NCOA6: variants seen among roughly 807,000 people sequenced by gnomAD.
NCOA6 encodes the protein nuclear receptor coactivator 6, also known as NRC RAP250.
NCOA6 carries 49 observed loss-of-function variants against 171.4 expected under a neutral mutation model. The observed-to-expected ratio is 0.29, with a 90% CI of 0.23 to 0.36. The LOEUF is 0.36. Among genes scored for constraint, NCOA6 ranks in the 10% least tolerant of loss-of-function variants. NCOA6 has a pLI of 1.00. For missense variants in NCOA6, 2,248 were observed against 2,554.5 expected, an observed-to-expected ratio of 0.88 and a Z score of 2.59; for synonymous variants, 910 against 927.5, an observed-to-expected ratio of 0.98 and a Z score of 0.34.
In NCOA6 at chr20:34,741,272, T is replaced by C. The variant is rs777390851; in HGVS notation, c.4984A>G (p.Asn1662Asp). The C allele has an allele frequency of 1.2e-6, 2 of 1,614,068 alleles. No homozygotes were observed. The highest frequency in any genetic ancestry group is 1.3e-5 in the African/African-American group (1 of 74,920). The change falls in exon 11 of 15, where the codon AAT becomes GAT. Residue 1662 changes from asparagine (N) to aspartate (D), a missense_variant. Physicochemically the swap from Asn to Asp is conservative, Grantham distance 23. This residue lies in a region of NCOA6 where 884 missense variants were observed against 941.9 expected (regional missense o/e 0.94). Transcript: ENST00000359003. ...RPQFITPVFI[N>D]SSSIIQVMKG... ...ATAACCTGAATTATTGAGGATGAAT[T>C]GATAAAGACAGGTGTAATGAACTGA...
chr20:34,740,048 A>C (rs547712982), intron 11 of NCOA6, among the ~76,000 whole-genome samples: 25 of 152,242 alleles, frequency 1.6e-4, no homozygotes, highest in Non-Finnish European at 3.1e-4. Context: ...TTTTTAGTAC[A>C]GATGCAGTTT....
intron 10 of NCOA6, among the ~76,000 whole-genome samples, chr20:34,746,292 T>A (rs936382301): frequency 4.1e-5 from 6 of 147,378 alleles, no homozygotes; most frequent in African/African-American, 1.5e-4. Flanking sequence ...CAGGCTGGAG[T>A]GCAGTGGCAT....
rs751347817 is a variant in NCOA6 at position 34,750,343 on chromosome 20, G to A, written c.1852C>T (p.Pro618Ser). The change falls in exon 9 of 15, where the codon CCA becomes TCA. Residue 618 changes from proline to serine, a missense_variant. Transcript: ENST00000359003. Reference sequence around the variant, plus strand: ...TGGTGCATGCCCATCAGCTGAGATGGTGGGCCCTGCTGGGGCTGGCCTTGC... The same window carrying A: ...TGGTGCATGCCCATCAGCTGAGATGATGGGCCCTGCTGGGGCTGGCCTTGC... ...NMQGQPQQGP[P>S]SQLMGMHQQI... 1.2e-6 allele frequency: 2 copies of A among 1,613,884 alleles called. No homozygotes were observed. Among genetic ancestry groups the A allele is most frequent in the Non-Finnish European group, 8.5e-7 (1 of 1,179,966 alleles).
At chr20:34,783,669 G>A (rs1249572688) in intron 2 of NCOA6, among the ~76,000 whole-genome samples, 1 of 151,868 alleles carries the variant, frequency 6.6e-6, no homozygotes, top group Non-Finnish European at 1.5e-5. Context: ...TTTTGCCCAG[G>A]CTGCACTGCG....
chr20:34,824,575 CCTT>C (rs1405036092), intron 1 of NCOA6, among the ~76,000 whole-genome samples: 1 of 152,184 alleles, frequency 6.6e-6, no homozygotes, highest in African/African-American at 2.4e-5. Context: ...CCAGGTCCCT[CCTT>C]TTAAAGACAC....
rs766905783 is a variant in NCOA6 at position 34,776,742 on chromosome 20, A to C, written c.236-294T>G. 13 of 514,810 alleles carry C rather than the reference A, an allele frequency of 2.5e-5. No individual in the cohort carries two copies. The Middle Eastern group carries it at 2.0e-3, about 81-fold the overall frequency. The allele number at this position is 514,810 out of a possible 1,614,324, so 31.9% of individuals were successfully genotyped here. On this transcript the variant is annotated intron_variant, in intron 3 of 14. Transcript: ENST00000359003. ...GGTACAAATTAGATAATATATGCAA[A>C]AAATCTAGCATAGTACCTGGCACAC...
rs192810516 is a variant in NCOA6 at position 34,792,174 on chromosome 20, T to C, written c.-50+276A>G. Among the ~76,000 whole-genome samples, 19 of 152,280 alleles carry C rather than the reference T, an allele frequency of 1.2e-4. No homozygotes were observed. In the East Asian group the frequency reaches 3.7e-3, roughly 29 times the overall value. ...TATCCTATTATCATTTTAATCAACA[T>C]AAATTCTAAAAATAAGTATTGTTTA... is the stretch of plus-strand genomic sequence containing the variant. On this transcript the variant is annotated intron_variant, in intron 2 of 14. Coordinates refer to ENST00000359003, the MANE Select transcript of NCOA6 (RefSeq NM_014071.5).
intron 11 of NCOA6, chr20:34,738,808 T>A (rs1334183714): frequency 2.2e-6 from 1 of 451,294 alleles, no homozygotes; most frequent in Non-Finnish European, 4.5e-6. Context: ...TTAAGGAACG[T>A]ATCAACTGTA....
intron 6 of NCOA6, among the ~76,000 whole-genome samples, chr20:34,758,481 T>C (rs1205715486): frequency 6.6e-6 from 1 of 152,190 alleles, no homozygotes; most frequent in East Asian, 1.9e-4. Context: ...TATGTTACTT[T>C]TGAATCTCCA....
At chr20:34,779,444 A>C (rs113256290) in intron 3 of NCOA6, among the ~76,000 whole-genome samples, 4,692 of 152,192 alleles carry the variant, frequency 0.031, 244 homozygotes, top group African/African-American at 0.11. Flanking sequence ...AGCCTGGGAG[A>C]TCAAGGCTGC....
intron 9 of NCOA6, among the ~76,000 whole-genome samples, chr20:34,747,853 A>G (rs17092080): frequency 0.84 from 128,263 of 152,208 alleles, 54,238 homozygotes; most frequent in Admixed American, 0.91. Context: ...TACAGGCAAG[A>G]ATTCAGTGGT....
intron 1 of NCOA6, among the ~76,000 whole-genome samples, chr20:34,803,559 G>A (rs2078330666): frequency 6.6e-6 from 1 of 151,752 alleles, no homozygotes. Context: ...TTGTGGCAAT[G>A]TACAATGAAA....
intron 3 of NCOA6, among the ~76,000 whole-genome samples, chr20:34,778,405 T>C (rs997315212): frequency 2.6e-5 from 4 of 151,830 alleles, no homozygotes; most frequent in Non-Finnish European, 5.9e-5. Flanking sequence ...AATGGTGAGT[T>C]GTTATTCAAT....
At chr20:34,811,516 A>G (rs1301608695) in intron 1 of NCOA6, among the ~76,000 whole-genome samples, 3 of 152,030 alleles carry the variant, frequency 2.0e-5, no homozygotes, top group African/African-American at 7.2e-5. Context: ...TTTACAGAAC[A>G]TGAGTTATTT....
intron 3 of NCOA6, among the ~76,000 whole-genome samples, chr20:34,777,538 C>T (rs567227761): frequency 6.6e-6 from 1 of 152,102 alleles, no homozygotes; most frequent in East Asian, 1.9e-4. Context: ...TCGCTTGAAC[C>T]CAGGAGGCGG....
At chr20:34,781,147 G>A (rs973803616) in intron 3 of NCOA6, among the ~76,000 whole-genome samples, 4 of 152,032 alleles carry the variant, frequency 2.6e-5, no homozygotes, top group East Asian at 1.9e-4. Context: ...GCTAAATAAC[G>A]CATAACTATG....
chr20:34,765,624 C>T (rs2076961156), intron 5 of NCOA6, among the ~76,000 whole-genome samples: 1 of 151,856 alleles, frequency 6.6e-6, no homozygotes, highest in Non-Finnish European at 1.5e-5. Context: ...CCCTGGGGGA[C>T]ATTTGGTAAT....
intron 1 of NCOA6, among the ~76,000 whole-genome samples, chr20:34,809,863 G>A (rs567401197): frequency 3.3e-5 from 5 of 152,314 alleles, no homozygotes; most frequent in South Asian, 4.1e-4. Context: ...AGCCACTCGG[G>A]AGGCTGAGGC....
rs2076590449 is a variant in NCOA6 at position 34,754,634 on chromosome 20, T to TA, written c.1675+87dup. 6 of 1,492,030 alleles carry TA rather than the reference T, an allele frequency of 4.0e-6. No homozygotes were observed. In the East Asian group the frequency reaches 1.1e-4, roughly 28 times the overall value. The allele number at this position is 1,492,030 out of a possible 1,614,324, so 92.4% of individuals were successfully genotyped here. On this transcript the variant is annotated intron_variant, in intron 8 of 14. Transcript: ENST00000359003. ...GAAATTAAGGGGAGAGACCAAGACTTATTACTTATCTGTATACTCCTGTTG... is the reference window on the plus strand; with the variant it reads ...GAAATTAAGGGGAGAGACCAAGACTTAATTACTTATCTGTATACTCCTGTTG...
Sources: gnomAD v4.1 joint callset for allele counts (sites outside exome capture counted in the v4.1 genomes callset) on GRCh38, gnomAD v4.1.1 for gene constraint, gnomAD v4.1.1 regional missense constraint, MANE v1.5 for transcripts, NCBI Gene and HGNC (gene_info 2026-07-23, HGNC 2026-07-21) for gene names.